Variants in PRKN observed in about 807,000 individuals in gnomAD.
The protein encoded by PRKN is parkin RBR E3 ubiquitin protein ligase.
In PRKN, 56 loss-of-function variants were observed where a neutral mutation model predicts 59.5. The observed-to-expected ratio is 0.94, with a 90% confidence interval of 0.76 to 1.18. The LOEUF is 1.18. PRKN is among the 50% of genes most tolerant of loss of function. The probability of loss-of-function intolerance (pLI) is 0.00; values close to 1 mark genes in which losing one functional copy is unlikely to be tolerated. For synonymous variants in PRKN, 250 were observed against 222.1 expected (o/e 1.13, Z -1.12); for missense variants, 657 against 596.4 (o/e 1.10, Z -1.06).
At chr6:162,378,485 A>G (rs937820668) in intron 2 of PRKN, among the ~76,000 whole-genome samples, 1 of 152,254 alleles carries the variant, frequency 6.6e-6, no homozygotes, top group Middle Eastern at 3.2e-3. Flanking sequence ...CTATGTAAGA[A>G]GAGCAACGTC....
At chr6:162,369,407 T>C (rs1163489690) in intron 2 of PRKN, among the ~76,000 whole-genome samples, 4 of 152,150 alleles carry the variant, frequency 2.6e-5, no homozygotes, top group African/African-American at 9.7e-5. Context: ...AAGATAACAG[T>C]GCCATAAATC....
chr6:161,544,598 G>T lies in PRKN; in HGVS notation c.1083+4256C>A, dbSNP rs1328475234. 6.6e-6 allele frequency among the ~76,000 whole-genome samples: 1 copy of T among 151,934 alleles called. No individual in the cohort carries two copies. The highest frequency in any genetic ancestry group is 1.5e-5 in the Non-Finnish European group (1 of 67,990). On this transcript the variant is annotated intron_variant, in intron 9 of 11. Transcript: ENST00000366898. The surrounding 1 kb of genome is among the most constrained non-coding windows in gnomAD (Gnocchi z 5.5). ...ATGATTCACCAAGAAGAATGAAAAG[G>T]CTTAGGACAGGAATATAAAGACAGG...
At chr6:161,999,407 C>T (rs547627156) in intron 5 of PRKN, among the ~76,000 whole-genome samples, 9 of 152,160 alleles carry the variant, frequency 5.9e-5, no homozygotes, top group Middle Eastern at 6.8e-3. Flanking sequence ...GTCCCTACCT[C>T]GGAATTGCTC....
At chr6:162,336,019 T>A (rs77302543) in intron 2 of PRKN, among the ~76,000 whole-genome samples, 1 of 151,440 alleles carries the variant, frequency 6.6e-6, no homozygotes, top group African/African-American at 2.4e-5. Flanking sequence ...CATCTCACAC[T>A]GGAATGCGTG....
rs1780413676 is a variant in PRKN at position 161,560,381 on chromosome 6, C to T, written c.933+8974G>A. Among the ~76,000 whole-genome samples the T allele has an allele frequency of 6.6e-6, 1 of 152,138 alleles. No homozygotes were observed. The highest frequency in any genetic ancestry group is 2.1e-4 in the South Asian group (1 of 4,830). ...GGCTCCTTAACGACGCCCCCAAATG[C>T]TTGGGTTCCTCTCCCTTGCAAAACC... is the stretch of plus-strand genomic sequence containing the variant. On this transcript the variant is annotated intron_variant, in intron 8 of 11. Transcript: ENST00000366898. This position sits in a 1 kb window ranked among gnomAD's most constrained non-coding sequence, Gnocchi z 4.9.
chr6:162,584,290 G>C lies in PRKN; in HGVS notation c.8-140817C>G, dbSNP rs560606576. Among the ~76,000 whole-genome samples the C allele has an allele frequency of 2.0e-5, 3 of 150,420 alleles. No individual in the cohort carries two copies. The East Asian group carries it at 5.8e-4, about 29-fold the overall frequency. The stretch of plus-strand genomic sequence containing the variant: ...GACTATATTTACATATGCCTGGACA[G>C]AGAACATAGAACACTGTACACAAAA... On this transcript the variant is annotated intron_variant, in intron 1 of 11. Coordinates refer to ENST00000366898, the MANE Select transcript of PRKN (RefSeq NM_004562.3).
At chr6:161,659,831 T>C (rs1351731361) in intron 7 of PRKN, among the ~76,000 whole-genome samples, 1 of 152,186 alleles carries the variant, frequency 6.6e-6, no homozygotes. Flanking sequence ...GACTGCTTAC[T>C]ATCCACACTT....
chr6:161,732,485 T>TTTGTGTGTG (rs1554298360), intron 7 of PRKN, among the ~76,000 whole-genome samples: 1 of 146,418 alleles, frequency 6.8e-6, no homozygotes, highest in African/African-American at 2.5e-5. Flanking sequence ...TTTTTTTTTT[T>TTTGTGTGTG]TGTGTGTGTG....
chr6:161,676,388 T>C (rs768857643), intron 7 of PRKN, among the ~76,000 whole-genome samples: 4 of 152,224 alleles, frequency 2.6e-5, no homozygotes, highest in Admixed American at 2.6e-4. Context: ...CCTAGCCAGC[T>C]AAAATGCCTT....
At chr6:161,939,498 G>A (rs527384078) in intron 6 of PRKN, among the ~76,000 whole-genome samples, 34 of 150,594 alleles carry the variant, frequency 2.3e-4, no homozygotes, top group African/African-American at 5.6e-4. Context: ...TTGGGAGGCC[G>A]AGGCAGGCAG....
chr6:162,037,746 C>T (rs1046900253), intron 5 of PRKN, among the ~76,000 whole-genome samples: 2 of 151,854 alleles, frequency 1.3e-5, no homozygotes, highest in Non-Finnish European at 2.9e-5. Context: ...AGGGTTTCAC[C>T]ATGTTGGCCA....
intron 2 of PRKN, among the ~76,000 whole-genome samples, chr6:162,426,066 T>G (rs1789224947): frequency 6.6e-6 from 1 of 152,194 alleles, no homozygotes; most frequent in African/African-American, 2.4e-5. Context: ...TTCAAAGGAC[T>G]GCAAAAGAAT....
chr6:162,492,024 C>T (rs965530020), intron 1 of PRKN, among the ~76,000 whole-genome samples: 1 of 152,124 alleles, frequency 6.6e-6, no homozygotes, highest in African/African-American at 2.4e-5. Flanking sequence ...AGACGTGTCT[C>T]GGGTGCAGAG....
At chr6:161,913,349 GTCAAC>G (rs1202015701) in intron 6 of PRKN, among the ~76,000 whole-genome samples, 1 of 152,038 alleles carries the variant, frequency 6.6e-6, no homozygotes, top group Non-Finnish European at 1.5e-5. Context: ...TAAGAAAAAA[GTCAAC>G]TCAATACAAT....
At chr6:161,661,009 C>T (rs963397799) in intron 7 of PRKN, among the ~76,000 whole-genome samples, 56 of 152,096 alleles carry the variant, frequency 3.7e-4, no homozygotes, top group African/African-American at 1.2e-3. Context: ...ACATACCTCT[C>T]GTATGTGCAG....
At chr6:162,621,406 A>T (rs1449170926) in intron 1 of PRKN, among the ~76,000 whole-genome samples, 1 of 152,124 alleles carries the variant, frequency 6.6e-6, no homozygotes, top group African/African-American at 2.4e-5. Context: ...TCCTCCCATC[A>T]CCACAAAGAT....
chr6:162,376,622 T>C (rs1254129755), intron 2 of PRKN, among the ~76,000 whole-genome samples: 1 of 150,100 alleles, frequency 6.7e-6, no homozygotes, highest in Non-Finnish European at 1.5e-5. Context: ...GCAATGCTTC[T>C]CTCCCAGACA....
chr6:162,492,329 A>G (rs1583664406), intron 1 of PRKN, among the ~76,000 whole-genome samples: 1 of 152,210 alleles, frequency 6.6e-6, no homozygotes, highest in Non-Finnish European at 1.5e-5. Flanking sequence ...TTTGGGTTGC[A>G]TGAAGCTTCC....
At chr6:161,678,568 A>ATTTTTTT (rs201640028) in intron 7 of PRKN, among the ~76,000 whole-genome samples, 1 of 121,448 alleles carries the variant, frequency 8.2e-6, no homozygotes, top group African/African-American at 3.5e-5. Context: ...TTGGTGCCTG[A>ATTTTTTT]TTTTTTTTTT....
Sources: gnomAD v4.1 joint callset for allele counts (sites outside exome capture counted in the v4.1 genomes callset) on GRCh38, gnomAD v4.1.1 for gene constraint, Gnocchi (gnomAD v3.1) non-coding constraint, MANE v1.5 for transcripts, NCBI Gene and HGNC (gene_info 2026-07-23, HGNC 2026-07-21) for gene names.